Variants in SLC35F1 observed in about 807,000 individuals in gnomAD.
SLC35F1 encodes solute carrier family 35 member F1, also known as chromosome 6 open reading frame 169.
In SLC35F1, 14 loss-of-function variants were observed where a neutral mutation model predicts 48.7. The observed-to-expected ratio is 0.29, with a 90% CI of 0.19 to 0.45. SLC35F1 has a LOEUF of 0.45. Among genes scored for constraint, SLC35F1 ranks in the 20% least tolerant of loss-of-function variants. The pLI, the probability that SLC35F1 is intolerant of heterozygous loss-of-function variation, is 1.00. For synonymous variants in SLC35F1, 190 were observed against 202.2 expected (o/e 0.94, Z 0.51); for missense variants, 404 against 500.0 (o/e 0.81, Z 1.83).
At chr6:118,063,912 A>G (rs1040859583) in intron 1 of SLC35F1, among the ~76,000 whole-genome samples, 1 of 152,296 alleles carries the variant, frequency 6.6e-6, no homozygotes, top group Admixed American at 6.5e-5. Context: ...AGGGAGTGAT[A>G]TGATTAATCA....
intron 1 of SLC35F1, among the ~76,000 whole-genome samples, chr6:117,975,956 A>G (rs1374712303): frequency 1.3e-5 from 2 of 152,236 alleles, no homozygotes; most frequent in African/African-American, 2.4e-5. Context: ...CTCCACTGTG[A>G]TAACTTCCCA....
chr6:117,936,475 G>T (rs925876306), intron 1 of SLC35F1, among the ~76,000 whole-genome samples: 2 of 152,162 alleles, frequency 1.3e-5, no homozygotes, highest in Non-Finnish European at 2.9e-5. Flanking sequence ...TCTCAGAGTT[G>T]CTCTCATCTT....
intron 2 of SLC35F1, among the ~76,000 whole-genome samples, chr6:118,175,619 A>C (rs1312640299): frequency 2.0e-5 from 3 of 152,152 alleles, no homozygotes; most frequent in Admixed American, 2.0e-4. Flanking sequence ...GATGTTTTCC[A>C]CCTTAGTTTC....
intron 1 of SLC35F1, among the ~76,000 whole-genome samples, chr6:118,001,297 A>G (rs947346214): frequency 1.3e-5 from 2 of 152,164 alleles, no homozygotes; most frequent in African/African-American, 4.8e-5. Context: ...ATAACGCCAC[A>G]TATCTACAAC....
chr6:118,054,077 G>T (rs140725889), intron 1 of SLC35F1, among the ~76,000 whole-genome samples: 13 of 152,274 alleles, frequency 8.5e-5, no homozygotes, highest in African/African-American at 1.4e-4. Flanking sequence ...AGATGTGTTT[G>T]TTGAATATTT....
At chr6:118,294,363 G>A (rs1165633050) in intron 7 of SLC35F1, among the ~76,000 whole-genome samples, 1 of 152,180 alleles carries the variant, frequency 6.6e-6, no homozygotes, top group Non-Finnish European at 1.5e-5. Flanking sequence ...AAACATCTGA[G>A]GGTTGTTAAA....
chr6:117,928,266 G>T (rs1323465364), intron 1 of SLC35F1, among the ~76,000 whole-genome samples: 1 of 152,156 alleles, frequency 6.6e-6, no homozygotes, highest in African/African-American at 2.4e-5. Flanking sequence ...GAGATGGCGG[G>T]TAGACACTGC....
Position 118,007,949 on chromosome 6 carries a change from A to AT in SLC35F1, c.173+100055dup, listed in dbSNP as rs1777195724. On this transcript the variant is annotated intron_variant, in intron 1 of 7. Transcript: ENST00000360388. ...CTTGCAGCCATACGACTCACATCCCATTTTTCTTGCTAGCTGTTGGCGGGG... is the reference window on the plus strand; with the variant it reads ...CTTGCAGCCATACGACTCACATCCCATTTTTTCTTGCTAGCTGTTGGCGGGG... Among the ~76,000 whole-genome samples, 6 of 152,122 alleles carry AT rather than the reference A, an allele frequency of 3.9e-5. 1 individual carries two copies. The South Asian group carries it at 1.2e-3, about 32-fold the overall frequency.
chr6:118,026,240 C>T (rs1209455249), intron 1 of SLC35F1, among the ~76,000 whole-genome samples: 1 of 152,140 alleles, frequency 6.6e-6, no homozygotes, highest in Non-Finnish European at 1.5e-5. Context: ...AGCAAAGATT[C>T]AGATGTGATG....
chr6:118,112,716 A>T (rs1365274414), intron 1 of SLC35F1, among the ~76,000 whole-genome samples: 4 of 152,204 alleles, frequency 2.6e-5, no homozygotes, highest in African/African-American at 4.8e-5. Context: ...GTTTTAAAAA[A>T]ATATAATTGA....
intron 7 of SLC35F1, among the ~76,000 whole-genome samples, chr6:118,304,225 T>C (rs1192525570): frequency 6.6e-6 from 1 of 152,092 alleles, no homozygotes; most frequent in Non-Finnish European, 1.5e-5. Flanking sequence ...ACTTATGTAA[T>C]TATGCATTAT....
At chr6:118,304,395 A>AG (rs2114663891) in intron 7 of SLC35F1, among the ~76,000 whole-genome samples, 1 of 72,396 alleles carries the variant, frequency 1.4e-5, no homozygotes, top group Non-Finnish European at 3.2e-5. Context: ...AGAAGAAAAG[A>AG]AAAGAAGAAG....
At chr6:117,959,151 T>A (rs1273119978) in intron 1 of SLC35F1, among the ~76,000 whole-genome samples, 2 of 152,190 alleles carry the variant, frequency 1.3e-5, no homozygotes, top group African/African-American at 4.8e-5. Flanking sequence ...TTATGAGATC[T>A]ATCAAGCTGA....
intron 2 of SLC35F1, among the ~76,000 whole-genome samples, chr6:118,207,831 C>A (rs1774955140): frequency 6.6e-6 from 1 of 152,012 alleles, no homozygotes; most frequent in South Asian, 2.1e-4. Context: ...ACCTTTTTTC[C>A]ATTGTTAGGC....
rs368601405 is a variant in SLC35F1 at position 118,098,964 on chromosome 6, T to A, written c.174-55481T>A. 5.3e-5 allele frequency among the ~76,000 whole-genome samples: 8 copies of A among 152,214 alleles called. 1 individual carries two copies. The East Asian group carries it at 1.3e-3, about 26-fold the overall frequency. ...TTGGCCTATTTTATAAGGTACATCC[T>A]CTAGGTGTACCTTATATATAATGAT... is the stretch of plus-strand genomic sequence containing the variant. On this transcript the variant is annotated intron_variant, in intron 1 of 7. Coordinates refer to ENST00000360388, the MANE Select transcript of SLC35F1 (RefSeq NM_001029858.4).
At chr6:117,923,763 G>GTACATATATACATATATGTA (rs1775969946) in intron 1 of SLC35F1, among the ~76,000 whole-genome samples, 1 of 18,078 alleles carries the variant, frequency 5.5e-5, no homozygotes, top group African/African-American at 2.7e-4. Flanking sequence ...ATATACATAT[G>GTACATATATACATATATGTA]CACATACATA....
intron 1 of SLC35F1, among the ~76,000 whole-genome samples, chr6:117,908,670 T>A (rs574348751): frequency 6.6e-5 from 10 of 152,356 alleles, no homozygotes; most frequent in Admixed American, 2.0e-4. Context: ...GGACCTGGGT[T>A]GACGTGAAAA....
chr6:117,950,104 C>T (rs913211252), intron 1 of SLC35F1, among the ~76,000 whole-genome samples: 1 of 152,070 alleles, frequency 6.6e-6, no homozygotes, highest in African/African-American at 2.4e-5. Flanking sequence ...CAATCTTGTT[C>T]TTTGGGGTGT....
At chr6:117,917,541 C>A (rs1224934382) in intron 1 of SLC35F1, among the ~76,000 whole-genome samples, 2 of 151,756 alleles carry the variant, frequency 1.3e-5, no homozygotes, top group African/African-American at 4.8e-5. Context: ...AGTGATTTGA[C>A]AGGGCAGATG....
Sources: gnomAD v4.1 joint callset for allele counts (sites outside exome capture counted in the v4.1 genomes callset) on GRCh38, gnomAD v4.1.1 for gene constraint, MANE v1.5 for transcripts, NCBI Gene and HGNC (gene_info 2026-07-23, HGNC 2026-07-21) for gene names.